The following ORC2 variants were observed in gnomAD, a reference collection of about 807,000 sequenced individuals.
The protein encoded by ORC2 is origin recognition complex subunit 2, also known as origin recognition complex protein 2 homolog.
ORC2 carries 37 observed loss-of-function variants against 77.7 expected under a neutral mutation model. The observed-to-expected ratio is 0.48, with a 90% confidence interval of 0.37 to 0.63. ORC2 has a LOEUF of 0.63. Among genes scored for constraint, ORC2 ranks in the 20% least tolerant of loss-of-function variants. The probability of loss-of-function intolerance (pLI) is 0.00; values close to 1 mark genes in which losing one functional copy is unlikely to be tolerated. For synonymous variants in ORC2, 201 were observed against 229.5 expected (o/e 0.88, Z 1.12); for missense variants, 557 against 661.9 (o/e 0.84, Z 1.74).
intron 5 of ORC2, among the ~76,000 whole-genome samples, chr2:200,943,376 G>A (rs1046619583): frequency 1.3e-5 from 2 of 151,230 alleles, no homozygotes; most frequent in Admixed American, 6.6e-5. Flanking sequence ...TCTTTCTCTC[G>A]CTTTTTTTTT....
chr2:200,912,843 T>C (rs2040574913), intron 17 of ORC2, among the ~76,000 whole-genome samples: 1 of 152,226 alleles, frequency 6.6e-6, no homozygotes, highest in African/African-American at 2.4e-5. Flanking sequence ...AGGACTTCCT[T>C]ACAGTTAAAA....
chr2:200,927,809 T>C (rs926559999), intron 11 of ORC2, among the ~76,000 whole-genome samples: 5 of 150,266 alleles, frequency 3.3e-5, no homozygotes, highest in Non-Finnish European at 5.9e-5. Flanking sequence ...GCGATTCTCC[T>C]GCCTCAGCCT....
intron 5 of ORC2, among the ~76,000 whole-genome samples, chr2:200,944,977 A>T (rs1407473736): frequency 2.6e-5 from 4 of 152,218 alleles, no homozygotes; most frequent in African/African-American, 7.2e-5. Flanking sequence ...TGTTTTAAGT[A>T]CAGCTTTATG....
chr2:200,913,747 C>A, intron 16 of ORC2, 184 bp downstream of exon 16: 1 of 1,380,564 alleles, frequency 7.2e-7, no homozygotes, highest in East Asian at 2.8e-5. Flanking sequence ...TGTTGGCAAA[C>A]ACCTTGCTCA....
chr2:200,944,182 C>CT (rs964508223), intron 5 of ORC2, among the ~76,000 whole-genome samples: 12 of 151,318 alleles, frequency 7.9e-5, no homozygotes, highest in Non-Finnish European at 1.5e-4. Context: ...AAGATAGTCT[C>CT]TTTTTTTTTG....
rs2041625225 is a variant in ORC2 at position 200,963,630 on chromosome 2, G to A, written c.-200C>T. On this transcript the variant is annotated 5_prime_UTR_variant, in exon 1 of 18. Coordinates refer to ENST00000234296, the MANE Select transcript of ORC2 (RefSeq NM_006190.5). ...GTAATTCGCGCCCGACCACCGGGGA[G>A]GTAAGGAGCACCGGAGGCCAGCTGG... 4 of 398,510 alleles carry A rather than the reference G, an allele frequency of 1.0e-5. No individual in the cohort carries two copies. Among genetic ancestry groups the A allele is most frequent in the South Asian group, 1.3e-4 (1 of 7,858 alleles). The allele number at this position is 398,510 out of a possible 1,614,324, so 24.7% of individuals were successfully genotyped here. A position where few individuals can be genotyped will look rare whatever the true frequency, so the allele number is the denominator to read the frequency against.
At chr2:200,932,750 G>A (rs1395652886) in intron 10 of ORC2, among the ~76,000 whole-genome samples, 3 of 152,214 alleles carry the variant, frequency 2.0e-5, no homozygotes, top group Non-Finnish European at 4.4e-5. Context: ...GGCTGTAAGA[G>A]ATTGTGTGTT....
intron 15 of ORC2, among the ~76,000 whole-genome samples, 174 bp downstream of exon 15, chr2:200,920,048 T>C (rs1026099186): frequency 3.3e-5 from 5 of 152,238 alleles, no homozygotes; most frequent in Non-Finnish European, 7.3e-5. Flanking sequence ...GGCAATTTGA[T>C]AGACTACTGT....
chr2:200,962,097 T>C (rs1034510701), intron 1 of ORC2, among the ~76,000 whole-genome samples: 3 of 152,238 alleles, frequency 2.0e-5, no homozygotes, highest in Admixed American at 2.0e-4. Flanking sequence ...TCTTATTAAA[T>C]AGTACAAAAT....
At chr2:200,954,501 C>A (rs896181953) in intron 4 of ORC2, among the ~76,000 whole-genome samples, 1 of 152,046 alleles carries the variant, frequency 6.6e-6, no homozygotes. Flanking sequence ...TATTTATAAA[C>A]GTAATGGTGC....
chr2:200,940,425 CA>C (rs979093679), intron 7 of ORC2, among the ~76,000 whole-genome samples: 4 of 152,140 alleles, frequency 2.6e-5, no homozygotes, highest in African/African-American at 9.7e-5. Flanking sequence ...GCTCCTTTGG[CA>C]TTTGGGGGAT....
At chr2:200,953,667 C>A (rs1260899047) in intron 4 of ORC2, among the ~76,000 whole-genome samples, 2 of 152,078 alleles carry the variant, frequency 1.3e-5, no homozygotes, top group Non-Finnish European at 2.9e-5. Flanking sequence ...TTCGCAATAC[C>A]CAAAAGGTTG....
chr2:200,913,042 T>C (rs938789896), intron 17 of ORC2, among the ~76,000 whole-genome samples: 12 of 152,086 alleles, frequency 7.9e-5, no homozygotes, highest in Non-Finnish European at 1.6e-4. Context: ...AGAACAGAAT[T>C]ATTTGACTCA....
At chr2:200,959,238 C>G (rs1187134638) in intron 2 of ORC2, among the ~76,000 whole-genome samples, 154 bp downstream of exon 2, 1 of 152,202 alleles carries the variant, frequency 6.6e-6, no homozygotes, top group Non-Finnish European at 1.5e-5. Flanking sequence ...CCACCTCACC[C>G]TCCCAAACCT....
chr2:200,951,995 A>C (rs1014821051), intron 4 of ORC2, among the ~76,000 whole-genome samples: 1 of 152,062 alleles, frequency 6.6e-6, no homozygotes, highest in Non-Finnish European at 1.5e-5. Flanking sequence ...TTTGCTTTTC[A>C]TGTTTAAATA....
At chr2:200,921,886 C>T (rs2040768542) in intron 13 of ORC2, 1 of 152,168 alleles carries the variant, frequency 6.6e-6, no homozygotes, top group Non-Finnish European at 1.5e-5. Context: ...ATCTGCCCGC[C>T]TCGGCCTCCC....
At chr2:200,961,032 C>T (rs1337098734) in intron 1 of ORC2, among the ~76,000 whole-genome samples, 1 of 152,152 alleles carries the variant, frequency 6.6e-6, no homozygotes, top group Non-Finnish European at 1.5e-5. Context: ...ACCTCAGCCT[C>T]CCAAAGTGTT....
chr2:200,930,355 T>C (rs948462793), intron 11 of ORC2, among the ~76,000 whole-genome samples: 1 of 152,114 alleles, frequency 6.6e-6, no homozygotes, highest in Non-Finnish European at 1.5e-5. Context: ...AATTAAGTTA[T>C]CTAAGTTGAC....
At chr2:200,928,559 A>G (rs1217415045) in intron 11 of ORC2, among the ~76,000 whole-genome samples, 2 of 152,064 alleles carry the variant, frequency 1.3e-5, no homozygotes, top group African/African-American at 4.8e-5. Context: ...CACGCCTGTA[A>G]TCCCAGCACT....
Sources: gnomAD v4.1 joint callset for allele counts (sites outside exome capture counted in the v4.1 genomes callset) on GRCh38, gnomAD v4.1.1 for gene constraint, MANE v1.5 for transcripts, NCBI Gene and HGNC (gene_info 2026-07-23, HGNC 2026-07-21) for gene names.